Variants in ABHD2 observed in about 807,000 individuals in gnomAD.
ABHD2 encodes abhydrolase domain containing 2, acylglycerol lipase.
A neutral mutation model predicts 48.1 loss-of-function variants in ABHD2; 20 were observed. The observed-to-expected ratio is 0.42, with a 90% CI of 0.29 to 0.60. ABHD2 has a LOEUF of 0.60. Ranked by LOEUF, ABHD2 falls within the 20% of genes least tolerant of loss-of-function variation. ABHD2 has a pLI of 0.24. For synonymous variants in ABHD2, 209 were observed against 214.2 expected, an observed-to-expected ratio of 0.98 and a Z score of 0.21; for missense variants, 405 against 550.9, an observed-to-expected ratio of 0.74 and a Z score of 2.65.
In ABHD2 at chr15:89,175,394, G is replaced by A. The variant is rs1194031043; in HGVS notation, c.539-418G>A. 6.6e-6 allele frequency among the ~76,000 whole-genome samples: 1 copy of A among 152,056 alleles called. No individual in the cohort carries two copies. The highest frequency in any genetic ancestry group is 1.5e-5 in the Non-Finnish European group (1 of 68,002). On this transcript the variant is annotated intron_variant, in intron 5 of 10. Coordinates refer to ENST00000352732, the MANE Select transcript of ABHD2 (RefSeq NM_152924.5). The surrounding 1 kb of genome is among the most constrained non-coding windows in gnomAD (Gnocchi z 5.7). ...GACACACCTGTAGTGTGTAGAGGTG[G>A]GGTCTCACCATTTTGTCCAGGCTGG...
intron 1 of ABHD2, among the ~76,000 whole-genome samples, chr15:89,099,936 G>A (rs1481528967): frequency 6.6e-6 from 1 of 152,128 alleles, no homozygotes; most frequent in East Asian, 1.9e-4. Flanking sequence ...TAAAGATACA[G>A]TGATTTAAAG....
chr15:89,053,822 T>A, the ABHD2 span, among the ~76,000 whole-genome samples: 2 of 152,208 alleles, frequency 1.3e-5, no homozygotes, highest in Admixed American at 6.5e-5. Context: ...GGTGCTCACA[T>A]CTTTGCTTCT....
the ABHD2 span, among the ~76,000 whole-genome samples, chr15:89,063,904 TGCTGTGCA>T: frequency 3.3e-5 from 5 of 152,068 alleles, no homozygotes; most frequent in East Asian, 1.9e-4. Flanking sequence ...AACCACCTTC[TGCTGTGCA>T]GCTGTGCAGC....
At position 89,182,406 on chromosome 15, in the gene ABHD2, ACCAATATCTGGC is replaced by A. The variant is rs1202913045; in HGVS notation, c.723-3014_723-3003del. ...GTCCTCAGCCAGTTTATCCTGGTGG[ACCAATATCTGGC>A]CCAGCCTGGGGAGCAGTTCCTGCCA... is the stretch of plus-strand genomic sequence containing the variant. On this transcript the variant is annotated intron_variant, in intron 6 of 10. Transcript: ENST00000352732. This position sits in a 1 kb window ranked among gnomAD's most constrained non-coding sequence, Gnocchi z 4.8. Among the ~76,000 whole-genome samples the A allele has an allele frequency of 6.6e-6, 1 of 152,064 alleles. No individual in the cohort carries two copies. Among genetic ancestry groups the A allele is most frequent in the Non-Finnish European group, 1.5e-5 (1 of 68,004 alleles).
chr15:89,075,081 A>G, the ABHD2 span, among the ~76,000 whole-genome samples: 1 of 152,154 alleles, frequency 6.6e-6, no homozygotes, highest in South Asian at 2.1e-4. This position sits in a 1 kb window ranked among gnomAD's most constrained non-coding sequence, Gnocchi z 4.1. Context: ...TTCTCTTTCA[A>G]TTCAATTGAA....
chr15:89,155,463 G>A lies in ABHD2; in HGVS notation c.467G>A (p.Arg156Gln), dbSNP rs1330750181. ...FVDYAQKNGY[R>Q]CAVLNHLGAL... is the part of the protein sequence containing the mutation. ...GACTACGCCCAGAAAAATGGCTATC[G>A]GTGCGCCGTGCTGAACCACCTGGGT... The change falls in exon 5 of 11, where the codon CGG becomes CAG. Residue 156 changes from arginine to glutamine, a missense_variant. Physicochemically the swap from Arg to Gln is conservative, Grantham distance 43. Transcript: ENST00000352732. The surrounding 1 kb of genome is among the most constrained non-coding windows in gnomAD (Gnocchi z 4.9). The A allele has an allele frequency of 5.0e-6, 8 of 1,614,086 alleles. No individual in the cohort carries two copies. The highest frequency in any genetic ancestry group is 5.1e-6 in the Non-Finnish European group (6 of 1,180,016).
chr15:89,117,029 A>G (rs2049971285), intron 3 of ABHD2, among the ~76,000 whole-genome samples: 1 of 152,028 alleles, frequency 6.6e-6, no homozygotes, highest in Non-Finnish European at 1.5e-5. Flanking sequence ...AGAAGCCCAG[A>G]TCTGTATTTT....
At chr15:89,152,797 C>T (rs1286125143) in intron 4 of ABHD2, among the ~76,000 whole-genome samples, 2 of 152,088 alleles carry the variant, frequency 1.3e-5, no homozygotes, top group African/African-American at 2.4e-5. Context: ...TTCTGTCTAG[C>T]CTATACAAAT....
upstream of ABHD2, among the ~76,000 whole-genome samples, chr15:89,084,969 CCT>C (rs1901329462): frequency 6.6e-6 from 1 of 152,146 alleles, no homozygotes; most frequent in Non-Finnish European, 1.5e-5. The surrounding 1 kb of genome is among the most constrained non-coding windows in gnomAD (Gnocchi z 4.4). Flanking sequence ...TTCCAAATCC[CCT>C]TTCTCTGAAC....
At chr15:89,086,302 C>T (rs576060622), upstream of ABHD2, among the ~76,000 whole-genome samples, 2 of 152,356 alleles carry the variant, frequency 1.3e-5, no homozygotes, top group South Asian at 4.1e-4. Context: ...GCTGGGATTA[C>T]AGGCTTGAGC....
the ABHD2 span, among the ~76,000 whole-genome samples, chr15:89,057,768 A>C: frequency 2.3e-4 from 35 of 151,802 alleles, no homozygotes; most frequent in African/African-American, 8.0e-4. Flanking sequence ...AATAAGAAGG[A>C]ATGAAAAAAA....
chr15:89,180,091 CTT>C (rs1343204283), intron 6 of ABHD2, among the ~76,000 whole-genome samples: 1 of 152,216 alleles, frequency 6.6e-6, no homozygotes, highest in Non-Finnish European at 1.5e-5. Flanking sequence ...AATACAGTAA[CTT>C]TGTGCCATCA....
the ABHD2 span, among the ~76,000 whole-genome samples, chr15:89,056,908 C>CTTTTTTTT: frequency 3.4e-5 from 3 of 87,452 alleles, no homozygotes; most frequent in African/African-American, 4.6e-5. Flanking sequence ...TAAGTGATAC[C>CTTTTTTTT]TTTTTTTTTT....
At chr15:89,128,705 G>A (rs755595819) in intron 3 of ABHD2, among the ~76,000 whole-genome samples, 16 of 152,118 alleles carry the variant, frequency 1.1e-4, no homozygotes, top group East Asian at 5.8e-4. Context: ...TAGTTGCTTC[G>A]TGGCCAGCTC....
At chr15:89,085,604 T>A (rs1214577296), upstream of ABHD2, among the ~76,000 whole-genome samples, 1 of 152,190 alleles carries the variant, frequency 6.6e-6, no homozygotes, top group Non-Finnish European at 1.5e-5. This position sits in a 1 kb window ranked among gnomAD's most constrained non-coding sequence, Gnocchi z 4.2. Flanking sequence ...CTGTGCCTCT[T>A]TTTGAGCCTC....
At chr15:89,115,808 A>G (rs1326524509) in intron 2 of ABHD2, among the ~76,000 whole-genome samples, 2 of 152,116 alleles carry the variant, frequency 1.3e-5, no homozygotes, top group Non-Finnish European at 2.9e-5. Context: ...AGGCAGTACA[A>G]CCACACCTGG....
chr15:89,188,110 C>T lies in ABHD2; in HGVS notation c.816-83C>T. On this transcript the variant is annotated intron_variant, in intron 7 of 10. Transcript: ENST00000352732. The surrounding 1 kb of genome is among the most constrained non-coding windows in gnomAD (Gnocchi z 4.1). ...TGACCACGTTGGCTCTCCCTCCTGG[C>T]TTGCTGTGGCAAGGAAGCAGGCTAT... is the stretch of plus-strand genomic sequence containing the variant. 3.3e-6 allele frequency: 4 copies of T among 1,222,120 alleles called. No homozygotes were observed. Among genetic ancestry groups the T allele is most frequent in the Non-Finnish European group, 4.8e-6 (4 of 834,260 alleles). The allele number at this position is 1,222,120 out of a possible 1,614,324, so 75.7% of individuals were successfully genotyped here.
At chr15:89,044,262 C>CAACTATATGTAT in the ABHD2 span, among the ~76,000 whole-genome samples, 3 of 152,122 alleles carry the variant, frequency 2.0e-5, no homozygotes, top group Non-Finnish European at 2.9e-5. Flanking sequence ...CATGGTATTC[C>CAACTATATGTAT]ATGGTGTATA....
rs1470396389 is a variant in ABHD2 at position 89,115,414 on chromosome 15, GTGTGTGTGTGTGTGTGTT to G, written c.-6-906_-6-889del. 4.2e-3 allele frequency among the ~76,000 whole-genome samples: 401 copies of G among 94,406 alleles called. 8 individuals carry two copies. The highest frequency in any genetic ancestry group is 0.016 in the African/African-American group (361 of 22,846). The allele number at this position is 94,406 out of a possible 152,430, so 61.9% of individuals were successfully genotyped here. A position where few individuals can be genotyped will look rare whatever the true frequency, so the allele number is the denominator to read the frequency against. On this transcript the variant is annotated intron_variant, in intron 2 of 10. Transcript: ENST00000352732. Reference sequence around the variant, plus strand: ...TGTGTGTGTGTGTGTGTGTGTGTGTGTGTGTGTGTGTGTGTGTTTTGTATATAAGGTAAAGTTACTTCA... The same window carrying G: ...TGTGTGTGTGTGTGTGTGTGTGTGTGTTGTATATAAGGTAAAGTTACTTCA...
Sources: gnomAD v4.1 joint callset for allele counts (sites outside exome capture counted in the v4.1 genomes callset) on GRCh38, gnomAD v4.1.1 for gene constraint, Gnocchi (gnomAD v3.1) non-coding constraint, MANE v1.5 for transcripts, NCBI Gene and HGNC (gene_info 2026-07-23, HGNC 2026-07-21) for gene names.